Variants in UGT1A7 observed in about 807,000 individuals in gnomAD.
UGT1A7 encodes UDP glucuronosyltransferase family 1 member A7.
Under a neutral mutation model 45.6 loss-of-function variants are expected in UGT1A7, and 33 were observed. That is an observed-to-expected ratio of 0.72 (90% CI 0.55 to 0.97). UGT1A7 has a LOEUF of 0.97. UGT1A7 is among the 50% of genes least tolerant of loss of function. The probability of loss-of-function intolerance (pLI) is 0.00; values close to 1 mark genes in which losing one functional copy is unlikely to be tolerated. For synonymous variants in UGT1A7, 274 were observed against 250.6 expected (o/e 1.09, Z -0.88); for missense variants, 684 against 666.2 (o/e 1.03, Z -0.29).
At chr2:233,747,673 T>G in intron 1 of UGT1A7, 1 of 1,605,188 alleles carries the variant, frequency 6.2e-7, no homozygotes, top group Non-Finnish European at 8.5e-7. Context: ...ATAGACCCAA[T>G]TTACCTCTGT....
intron 1 of UGT1A7, among the ~76,000 whole-genome samples, chr2:233,751,182 A>C (rs1481520525): frequency 1.3e-5 from 2 of 151,938 alleles, no homozygotes; most frequent in African/African-American, 4.9e-5. Flanking sequence ...ATGAGACATG[A>C]AGTTAAAGGT....
At chr2:233,756,673 G>C (rs542273174) in intron 1 of UGT1A7, among the ~76,000 whole-genome samples, 32 of 152,264 alleles carry the variant, frequency 2.1e-4, no homozygotes, top group South Asian at 1.0e-3. Context: ...ATTTCCGCTA[G>C]AACTGCTATA....
chr2:233,729,623 C>G (rs142986334), intron 1 of UGT1A7: 41 of 1,613,794 alleles, frequency 2.5e-5, no homozygotes, highest in Admixed American at 2.3e-4. Flanking sequence ...AAGTACCTGT[C>G]GATTCCTACT....
At chr2:233,742,511 A>C (rs1428333329) in intron 1 of UGT1A7, among the ~76,000 whole-genome samples, 6 of 151,858 alleles carry the variant, frequency 4.0e-5, no homozygotes, top group Non-Finnish European at 2.9e-5. Flanking sequence ...TATCATGAAC[A>C]CGTCACAGTG....
At position 233,714,761 on chromosome 2, in the gene UGT1A7, T is replaced by C. The variant is rs545127473; in HGVS notation, c.855+31969T>C. Among the ~76,000 whole-genome samples, 4 of 152,384 alleles carry C rather than the reference T, an allele frequency of 2.6e-5. No homozygotes were observed. The East Asian group carries it at 7.7e-4, about 29-fold the overall frequency. ...TCTAGCATATATTTGACACTTACAG[T>C]ATATCTCAATTTGGAATAGCCACAT... On this transcript the variant is annotated intron_variant, in intron 1 of 4. Coordinates refer to ENST00000373426, the MANE Select transcript of UGT1A7 (RefSeq NM_019077.3).
intron 1 of UGT1A7, chr2:233,760,795 T>C (rs1035248479): frequency 1.2e-5 from 19 of 1,613,472 alleles, no homozygotes; most frequent in Non-Finnish European, 1.5e-5. Context: ...GCCCACTGTA[T>C]TCTTCTTGCA....
Position 233,772,318 on chromosome 2 carries a change from C to G in UGT1A7, c.1352C>G (p.Pro451Arg). The change falls in exon 5 of 5, where the codon CCG (proline) becomes CGG (arginine). Residue 451 changes from proline to arginine, a missense_variant. Physicochemically the swap from Pro to Arg is moderately radical, Grantham distance 103. Coordinates refer to ENST00000373426, the MANE Select transcript of UGT1A7 (RefSeq NM_019077.3). ...CTTCACAAGGACCGCCCGGTGGAGC[C>G]GCTGGACCTGGCCGTGTTCTGGGTG... The part of the protein sequence containing the change: ...SSLHKDRPVE[P>R]LDLAVFWVEF... 1 of 1,614,230 alleles carries G rather than the reference C, an allele frequency of 6.2e-7. No individual in the cohort carries two copies.
At chr2:233,724,276 C>T (rs2077203543) in intron 1 of UGT1A7, among the ~76,000 whole-genome samples, 1 of 135,960 alleles carries the variant, frequency 7.4e-6, no homozygotes, top group Non-Finnish European at 1.6e-5. Flanking sequence ...GGGCGGCTGG[C>T]CGGGCGGGGG....
At chr2:233,690,588 GA>G (rs144486213) in intron 1 of UGT1A7, 260,204 of 1,069,074 alleles carry the variant, frequency 0.24, 16,694 homozygotes, top group Non-Finnish European at 0.26. Flanking sequence ...CAATCCCTGA[GA>G]AAAAAAAAAA....
intron 1 of UGT1A7, chr2:233,743,649 C>G (rs754713764): frequency 8.0e-6 from 11 of 1,367,286 alleles, no homozygotes; most frequent in Non-Finnish European, 1.1e-5. Context: ...AAGCTGAAGA[C>G]GTACTCGAAG....
intron 1 of UGT1A7, among the ~76,000 whole-genome samples, chr2:233,689,511 A>T (rs1348253197): frequency 1.3e-5 from 2 of 152,244 alleles, no homozygotes; most frequent in Admixed American, 1.3e-4. Flanking sequence ...GAGGTTACAC[A>T]TTGGTTTGGT....
At chr2:233,739,499 A>T (rs927597154) in intron 1 of UGT1A7, among the ~76,000 whole-genome samples, 8 of 152,214 alleles carry the variant, frequency 5.3e-5, no homozygotes, top group African/African-American at 1.4e-4. Context: ...CATCACCTTG[A>T]TCTAGATGTG....
chr2:233,770,051 A>G (rs1483114372), intron 4 of UGT1A7: 1 of 154,750 alleles, frequency 6.5e-6, no homozygotes, highest in Non-Finnish European at 1.4e-5. Flanking sequence ...CTTGAGGCTC[A>G]CATTATGGAT....
At chr2:233,730,562 ACACGAAGTT>A (rs963460994) in intron 1 of UGT1A7, among the ~76,000 whole-genome samples, 4 of 152,160 alleles carry the variant, frequency 2.6e-5, no homozygotes, top group Admixed American at 6.5e-5. Context: ...AGAGAATGAC[ACACGAAGTT>A]CAGTTTCCAG....
intron 1 of UGT1A7, among the ~76,000 whole-genome samples, chr2:233,722,639 G>C (rs1429567836): frequency 2.0e-5 from 3 of 152,192 alleles, no homozygotes; most frequent in South Asian, 2.1e-4. Flanking sequence ...TTGAGGGCTC[G>C]AGTAAAAGAT....
intron 1 of UGT1A7, chr2:233,743,938 A>G (rs754327674): frequency 7.4e-7 from 1 of 1,356,050 alleles, no homozygotes; most frequent in African/African-American, 1.5e-5. Context: ...AGAACGGCCC[A>G]CCAGGCACTG....
chr2:233,732,187 T>A (rs1208942710), intron 1 of UGT1A7, among the ~76,000 whole-genome samples: 3 of 152,250 alleles, frequency 2.0e-5, no homozygotes, highest in African/African-American at 7.2e-5. Flanking sequence ...ATTCTGGATA[T>A]TAGCCCTTTG....
At chr2:233,724,637 T>G (rs1254622802) in intron 1 of UGT1A7, among the ~76,000 whole-genome samples, 13 of 131,504 alleles carry the variant, frequency 9.9e-5, no homozygotes, top group African/African-American at 2.7e-4. Context: ...TTCCTAGATG[T>G]GATGGCGGCT....
intron 1 of UGT1A7, chr2:233,760,237 TATATATATATAA>T (rs1319876317): frequency 6.3e-7 from 1 of 1,597,346 alleles, no homozygotes; most frequent in South Asian, 1.1e-5. Flanking sequence ...TTTTGCCATA[TATATATATATAA>T]GTAGGAGAGG....
Sources: gnomAD v4.1 joint callset for allele counts (sites outside exome capture counted in the v4.1 genomes callset) on GRCh38, gnomAD v4.1.1 for gene constraint, MANE v1.5 for transcripts, NCBI Gene and HGNC (gene_info 2026-07-23, HGNC 2026-07-21) for gene names.